The following CSMD2 variants were observed in gnomAD, a reference collection of about 807,000 sequenced individuals.
The protein encoded by CSMD2 is CUB and Sushi multiple domains 2, also known as CUB and sushi domain-containing protein 2.
Under a neutral mutation model 398.5 loss-of-function variants are expected in CSMD2, and 130 were observed. The ratio of observed to expected loss-of-function variants is 0.33; its 90% CI spans 0.28 to 0.38. CSMD2 has a LOEUF of 0.38. Ranked by LOEUF, CSMD2 falls within the 10% of genes least tolerant of loss-of-function variation. The pLI, the probability that CSMD2 is intolerant of heterozygous loss-of-function variation, is 1.00. For synonymous variants in CSMD2, 1,828 were observed against 1,908.5 expected (o/e 0.96, Z 1.10); for missense variants, 3,829 against 4,764.9 (o/e 0.80, Z 5.78).
intron 4 of CSMD2, among the ~76,000 whole-genome samples, chr1:33,923,040 A>G (rs527237587): frequency 1.5e-4 from 23 of 152,238 alleles, no homozygotes; most frequent in Non-Finnish European, 2.6e-4. Flanking sequence ...ATCAACTCAC[A>G]TACTTTTTTT....
intron 64 of CSMD2, among the ~76,000 whole-genome samples, chr1:33,531,457 T>C (rs1241102911): frequency 6.6e-6 from 1 of 152,212 alleles, no homozygotes; most frequent in Non-Finnish European, 1.5e-5. Context: ...ATAGAGTTAC[T>C]GTTTTCCTAG....
At chr1:33,904,991 G>A (rs1334054366) in intron 5 of CSMD2, among the ~76,000 whole-genome samples, 1 of 151,464 alleles carries the variant, frequency 6.6e-6, no homozygotes, top group Non-Finnish European at 1.5e-5. Flanking sequence ...TTTTTTAAGA[G>A]ACAGGGTCTC....
At chr1:33,529,338 T>C (rs1224680335) in intron 64 of CSMD2, among the ~76,000 whole-genome samples, 3 of 152,140 alleles carry the variant, frequency 2.0e-5, no homozygotes, top group African/African-American at 7.2e-5. Flanking sequence ...TGTAGACATG[T>C]AGTCTCCCTA....
rs1638348271 is a variant in CSMD2 at position 34,133,355 on chromosome 1, G to T, written c.187+31556C>A. On this transcript the variant is annotated intron_variant, in intron 1 of 70. Coordinates refer to ENST00000373381, the MANE Select transcript of CSMD2 (RefSeq NM_001281956.2). ...CATTAATTCAGTCAGCCCAGGCCGG[G>T]TGTAGTAGCTCACGCCTGTAATCCC... Among the ~76,000 whole-genome samples, 4 of 152,310 alleles carry T rather than the reference G, an allele frequency of 2.6e-5. No homozygotes were observed. The South Asian group carries it at 8.3e-4, about 32-fold the overall frequency.
intron 3 of CSMD2, among the ~76,000 whole-genome samples, chr1:33,968,841 T>A (rs960945774): frequency 1.3e-5 from 2 of 152,264 alleles, no homozygotes; most frequent in African/African-American, 4.8e-5. Flanking sequence ...TGATTAACTA[T>A]AACTGTGATC....
At chr1:33,700,799 G>T in intron 22 of CSMD2, 126 bp from the exon 23 acceptor site, 2 of 865,408 alleles carry the variant, frequency 2.3e-6, no homozygotes, top group Non-Finnish European at 3.6e-6. Context: ...GGCACAGTGA[G>T]TTATCAGATG....
chr1:33,672,151 T>C (rs1166597412), intron 25 of CSMD2, among the ~76,000 whole-genome samples: 1 of 152,122 alleles, frequency 6.6e-6, no homozygotes, highest in Non-Finnish European at 1.5e-5. Flanking sequence ...GCACCGTGTG[T>C]GAGCCGAAGC....
chr1:33,813,309 C>G (rs1373944764), intron 9 of CSMD2: 2 of 152,272 alleles, frequency 1.3e-5, no homozygotes, highest in African/African-American at 4.8e-5. Context: ...CAAAATGAAG[C>G]ATTAGCTACT....
intron 3 of CSMD2, among the ~76,000 whole-genome samples, chr1:34,018,411 G>A (rs1251836241): frequency 2.0e-5 from 3 of 152,132 alleles, no homozygotes; most frequent in Admixed American, 2.0e-4. Context: ...TATATTCCCA[G>A]GAGGGGAATT....
chr1:33,541,315 A>G lies in CSMD2; in HGVS notation c.9278-6T>C. 2 of 1,612,588 alleles carry G rather than the reference A, an allele frequency of 1.2e-6. No homozygotes were observed. The highest frequency in any genetic ancestry group is 1.7e-6 in the Non-Finnish European group (2 of 1,178,738). On this transcript the variant is annotated splice_region_variant and splice_polypyrimidine_tract_variant and intron_variant, in intron 58 of 70. Coordinates refer to ENST00000373381, the MANE Select transcript of CSMD2 (RefSeq NM_001281956.2). ...AGGGTCACCACAGTTTATGACTAGG[A>G]TAAGAGAGATATAGCATTGTTCACT... is the stretch of plus-strand genomic sequence containing the variant.
chr1:33,704,790 C>G (rs774055478), intron 22 of CSMD2, among the ~76,000 whole-genome samples: 1 of 152,164 alleles, frequency 6.6e-6, no homozygotes, highest in African/African-American at 2.4e-5. Context: ...GAGACGGAGT[C>G]TCTCTCTGTC....
At chr1:34,157,807 T>C (rs1640946864) in intron 1 of CSMD2, among the ~76,000 whole-genome samples, 1 of 151,956 alleles carries the variant, frequency 6.6e-6, no homozygotes, top group Non-Finnish European at 1.5e-5. Context: ...TCAGTCTACC[T>C]CAAATTAGGC....
chr1:34,162,650 GGA>G (rs1309102711), intron 1 of CSMD2, among the ~76,000 whole-genome samples: 1 of 152,076 alleles, frequency 6.6e-6, no homozygotes, highest in East Asian at 1.9e-4. Flanking sequence ...CCTGAAGTCA[GGA>G]GCTCGAGACC....
In CSMD2 at chr1:33,657,899, C is replaced by A. The variant is rs369097550; in HGVS notation, c.4447+47G>T. The A allele has an allele frequency of 4.5e-6, 7 of 1,557,980 alleles. No individual in the cohort carries two copies. The African/African-American group carries it at 8.1e-5, about 18-fold the overall frequency. ...TGTGCATGGAAGGTTCTGGAGCACA[C>A]AACTGTGAGCCCCAAGAGCAGAGTG... On this transcript the variant is annotated intron_variant, in intron 27 of 70. Coordinates refer to ENST00000373381, the MANE Select transcript of CSMD2 (RefSeq NM_001281956.2).
intron 3 of CSMD2, among the ~76,000 whole-genome samples, chr1:34,002,345 C>A (rs979711157): frequency 6.6e-6 from 1 of 152,186 alleles, no homozygotes; most frequent in African/African-American, 2.4e-5. Context: ...TGTTTACAAG[C>A]TGACTAGGTG....
At chr1:33,844,447 C>T (rs1156779262) in intron 6 of CSMD2, among the ~76,000 whole-genome samples, 1 of 152,234 alleles carries the variant, frequency 6.6e-6, no homozygotes, top group Non-Finnish European at 1.5e-5. Context: ...GTCAATAGCG[C>T]AGAGCCTGAG....
chr1:33,939,483 A>G (rs1486859697), intron 3 of CSMD2, among the ~76,000 whole-genome samples: 2 of 152,180 alleles, frequency 1.3e-5, no homozygotes, highest in African/African-American at 4.8e-5. Context: ...ATGAGCTGAG[A>G]ACTGGTGTAG....
chr1:33,550,063 T>C, intron 56 of CSMD2, 114 bp downstream of exon 56: 1 of 1,055,374 alleles, frequency 9.5e-7, no homozygotes. Flanking sequence ...ATATAAGGGT[T>C]CTGAGGTCTG....
rs1655504541 is a variant in CSMD2 at position 33,533,937 on chromosome 1, C to T, written c.9880-30G>A. The T allele has an allele frequency of 6.9e-7, 1 of 1,457,160 alleles. No individual in the cohort carries two copies. Among genetic ancestry groups the T allele is most frequent in the Non-Finnish European group, 9.6e-7 (1 of 1,038,470 alleles). 90.3% of individuals were successfully genotyped at this position (1,457,160 alleles called of 1,614,324 possible). ...GGCAAGATACAAAGTCCCATCAGCC[C>T]CTTCCTTTCAGCGGTGCTTCCTACG... On this transcript the variant is annotated intron_variant, in intron 62 of 70. Transcript: ENST00000373381. This position sits in a 1 kb window ranked among gnomAD's most constrained non-coding sequence, Gnocchi z 4.2.
Sources: gnomAD v4.1 joint callset for allele counts (sites outside exome capture counted in the v4.1 genomes callset) on GRCh38, gnomAD v4.1.1 for gene constraint, Gnocchi (gnomAD v3.1) non-coding constraint, MANE v1.5 for transcripts, NCBI Gene and HGNC (gene_info 2026-07-23, HGNC 2026-07-21) for gene names.